The following PTK2 variants were observed in gnomAD, a reference collection of about 807,000 sequenced individuals.
PTK2 encodes the protein focal adhesion kinase 1.
PTK2 carries 45 observed loss-of-function variants against 150.1 expected under a neutral mutation model. That is an observed-to-expected ratio of 0.30 (90% CI 0.24 to 0.38). The LOEUF is 0.38. Ranked by LOEUF, PTK2 falls within the 10% of genes least tolerant of loss-of-function variation. The probability of loss-of-function intolerance (pLI) is 1.00; values close to 1 mark genes in which losing one functional copy is unlikely to be tolerated. For synonymous variants in PTK2, 432 were observed against 449.2 expected (o/e 0.96, Z 0.48); for missense variants, 919 against 1,307.3 (o/e 0.70, Z 4.58).
chr8:140,889,315 T>A (rs2100153433), intron 3 of PTK2, among the ~76,000 whole-genome samples: 1 of 152,188 alleles, frequency 6.6e-6, no homozygotes, highest in South Asian at 2.1e-4. Flanking sequence ...CTGCAACCTC[T>A]GCCTCCTGGG....
chr8:140,684,459 T>G (rs2100018681), intron 27 of PTK2, among the ~76,000 whole-genome samples: 1 of 152,238 alleles, frequency 6.6e-6, no homozygotes, highest in African/African-American at 2.4e-5. Context: ...TATGGACCAA[T>G]ACCAGTCTGC....
At chr8:140,971,938 A>T (rs2100187408) in intron 1 of PTK2, among the ~76,000 whole-genome samples, 1 of 152,244 alleles carries the variant, frequency 6.6e-6, no homozygotes, top group South Asian at 2.1e-4. Flanking sequence ...ATGCAATAAC[A>T]TGCTAGAAGG....
chr8:140,702,744 A>G (rs1475445346), intron 24 of PTK2, 37 bp from the exon 28 acceptor site: 6 of 1,603,882 alleles, frequency 3.7e-6, no homozygotes, highest in Non-Finnish European at 4.3e-6. Flanking sequence ...ATGTTCAACT[A>G]TAACATCTGC....
chr8:140,763,891 G>A (rs1285347496), intron 15 of PTK2, among the ~76,000 whole-genome samples: 1 of 151,952 alleles, frequency 6.6e-6, no homozygotes, highest in African/African-American at 2.4e-5. Context: ...TATTGTGTGT[G>A]TATATACACA....
chr8:140,901,082 A>C (rs2100158264), intron 2 of PTK2, among the ~76,000 whole-genome samples: 1 of 152,210 alleles, frequency 6.6e-6, no homozygotes. Flanking sequence ...CAGAATGGAG[A>C]TCTCAAATAT....
chr8:140,891,382 T>C (rs546626363), intron 2 of PTK2, among the ~76,000 whole-genome samples: 3 of 152,214 alleles, frequency 2.0e-5, no homozygotes, highest in African/African-American at 4.8e-5. Context: ...TTTGAAGAAA[T>C]AGCCTGCACA....
chr8:140,968,683 C>CT (rs2100186158), intron 1 of PTK2, among the ~76,000 whole-genome samples: 1 of 152,210 alleles, frequency 6.6e-6, no homozygotes. Context: ...CATTATTCTA[C>CT]TTAAACTAAT....
At chr8:140,837,962 T>C (rs1312852855) in intron 7 of PTK2, among the ~76,000 whole-genome samples, 2 of 151,656 alleles carry the variant, frequency 1.3e-5, no homozygotes, top group South Asian at 2.1e-4. Context: ...CTTAGGAGGC[T>C]GAGGCAGGAG....
chr8:140,784,302 T>G (rs2100083633), intron 14 of PTK2, among the ~76,000 whole-genome samples: 1 of 152,228 alleles, frequency 6.6e-6, no homozygotes, highest in South Asian at 2.1e-4. Flanking sequence ...TAGTGCCACA[T>G]GTGTAGTCCA....
At chr8:140,952,467 T>G (rs898535965) in intron 1 of PTK2, among the ~76,000 whole-genome samples, 1 of 152,102 alleles carries the variant, frequency 6.6e-6, no homozygotes, top group African/African-American at 2.4e-5. Context: ...TGCAAAGAAA[T>G]GGAAACTGTA....
chr8:140,698,522 T>G (rs1311874963), intron 26 of PTK2, among the ~76,000 whole-genome samples: 1 of 152,104 alleles, frequency 6.6e-6, no homozygotes, highest in African/African-American at 2.4e-5. Flanking sequence ...GGTACCATCT[T>G]GGCTCACTGC....
intron 18 of PTK2, 94 bp downstream of exon 21, chr8:140,746,666 G>T: frequency 1.1e-6 from 1 of 917,136 alleles, no homozygotes; most frequent in African/African-American, 1.7e-5. Context: ...GAACTCTCCT[G>T]AAAATCCAAG....
chr8:140,979,873 C>T (rs2100190755), intron 1 of PTK2, among the ~76,000 whole-genome samples: 1 of 152,162 alleles, frequency 6.6e-6, no homozygotes, highest in African/African-American at 2.4e-5. Flanking sequence ...GCCTCCCCAG[C>T]CATGTGGAAT....
At chr8:140,827,364 G>C (rs900816414) in intron 8 of PTK2, among the ~76,000 whole-genome samples, 16 of 152,046 alleles carry the variant, frequency 1.1e-4, no homozygotes, top group Non-Finnish European at 1.5e-5. Context: ...GCTGTTTCTA[G>C]GGTGTGAGCC....
chr8:140,659,615 C>T, exon 32 of PTK2: 1 of 1,614,156 alleles, frequency 6.2e-7, no homozygotes, highest in East Asian at 2.2e-5. Context: ...TACTGCTGGG[C>T]CAGTTTCATC....
At chr8:140,738,388 G>A (rs1409161995) in intron 21 of PTK2, among the ~76,000 whole-genome samples, 3 of 152,106 alleles carry the variant, frequency 2.0e-5, no homozygotes, top group Non-Finnish European at 4.4e-5. Flanking sequence ...TTTGGATAAA[G>A]TAGTTTAAAT....
chr8:141,001,506 G>C (rs988899056), upstream of PTK2: 3 of 152,478 alleles, frequency 2.0e-5, no homozygotes, highest in African/African-American at 7.2e-5. Context: ...GAGGCTGCGC[G>C]CGGGCGTGGC....
intron 27 of PTK2, among the ~76,000 whole-genome samples, chr8:140,681,580 ATCC>A (rs2100016944): frequency 6.6e-6 from 1 of 151,976 alleles, no homozygotes; most frequent in African/African-American, 2.4e-5. Flanking sequence ...GATCGAGACC[ATCC>A]CGGCTAACAC....
chr8:140,771,040 GA>G (rs2100075201), intron 14 of PTK2: 1 of 180,376 alleles, frequency 5.5e-6, no homozygotes, highest in Non-Finnish European at 1.2e-5. Flanking sequence ...CAAGACGTAA[GA>G]ATCTCCCAGC....
Sources: gnomAD v4.1 joint callset for allele counts (sites outside exome capture counted in the v4.1 genomes callset) on GRCh38, gnomAD v4.1.1 for gene constraint, MANE v1.5 for transcripts, NCBI Gene and HGNC (gene_info 2026-07-23, HGNC 2026-07-21) for gene names.